The following ZNF804A variants were observed in gnomAD, a reference collection of about 807,000 sequenced individuals.
ZNF804A encodes zinc finger protein 804A.
ZNF804A carries 2 observed loss-of-function variants against 16.5 expected under a neutral mutation model. The observed-to-expected ratio is 0.12, with a 90% CI of 0.05 to 0.38. The LOEUF (loss-of-function observed/expected upper bound fraction) is 0.38, where lower values mean the gene tolerates loss of function less well. Among genes scored for constraint, ZNF804A ranks in the 10% least tolerant of loss-of-function variants. ZNF804A has a pLI of 0.99. For synonymous variants in ZNF804A, 534 were observed against 489.6 expected, an observed-to-expected ratio of 1.09 and a Z score of -1.20; for missense variants, 1,473 against 1,390.7, an observed-to-expected ratio of 1.06 and a Z score of -0.94.
chr2:184,785,297 A>T (rs1240412523), intron 1 of ZNF804A, among the ~76,000 whole-genome samples: 9 of 152,058 alleles, frequency 5.9e-5, no homozygotes, highest in Non-Finnish European at 1.5e-5. Context: ...AATTTATTTT[A>T]AAAATTAAGA....
intron 1 of ZNF804A, among the ~76,000 whole-genome samples, chr2:184,775,396 G>A (rs890539332): frequency 1.3e-5 from 2 of 151,650 alleles, no homozygotes; most frequent in African/African-American, 2.4e-5. Context: ...AATAGTCATT[G>A]TGAAGGAAAG....
At position 184,888,065 on chromosome 2, in the gene ZNF804A, C is replaced by T. The variant is rs139154165; in HGVS notation, c.255+21553C>T. On this transcript the variant is annotated intron_variant, in intron 2 of 3. Transcript: ENST00000302277. The stretch of plus-strand genomic sequence containing the variant: ...TTACAAAACAATCTCAATAAGAAAC[C>T]TCCTCTACATGCAATTTACCTATAT... Among the ~76,000 whole-genome samples the T allele has an allele frequency of 8.3e-3, 1,269 of 152,156 alleles. 11 individuals are homozygous for T. Among genetic ancestry groups the T allele is most frequent in the Non-Finnish European group, 0.012 (795 of 68,000 alleles).
chr2:184,933,478 A>G, intron 2 of ZNF804A, 125 bp from the exon 3 acceptor site: 1 of 840,520 alleles, frequency 1.2e-6, no homozygotes, highest in Non-Finnish European at 1.8e-6. Flanking sequence ...ATTGTCATGA[A>G]TGTTGTGTTT....
chr2:184,612,601 A>C (rs1691255899), intron 1 of ZNF804A, among the ~76,000 whole-genome samples: 2 of 151,912 alleles, frequency 1.3e-5, no homozygotes, highest in African/African-American at 4.8e-5. Flanking sequence ...AGTCTGGCTA[A>C]TTTTTGTATT....
intron 1 of ZNF804A, among the ~76,000 whole-genome samples, chr2:184,797,946 T>C (rs1694660416): frequency 6.6e-6 from 1 of 151,918 alleles, no homozygotes; most frequent in Non-Finnish European, 1.5e-5. Context: ...TGAAAAAGAC[T>C]GTATCTTTCT....
At chr2:184,820,266 C>T (rs115610963) in intron 1 of ZNF804A, among the ~76,000 whole-genome samples, 5,350 of 152,010 alleles carry the variant, frequency 0.035, 311 homozygotes, top group African/African-American at 0.12. Flanking sequence ...GTTCAACATA[C>T]GCAAATCAAT....
intron 2 of ZNF804A, among the ~76,000 whole-genome samples, chr2:184,907,707 G>T (rs1325236167): frequency 6.6e-6 from 1 of 152,036 alleles, no homozygotes; most frequent in African/African-American, 2.4e-5. Context: ...TAAAATAAGG[G>T]AATATGATAG....
At chr2:184,652,218 T>C (rs970028709) in intron 1 of ZNF804A, among the ~76,000 whole-genome samples, 1 of 152,124 alleles carries the variant, frequency 6.6e-6, no homozygotes, top group Non-Finnish European at 1.5e-5. Context: ...TTTTCACTTA[T>C]AAATTTGAGC....
chr2:184,751,744 T>G (rs1433048147), intron 1 of ZNF804A, among the ~76,000 whole-genome samples: 2 of 151,668 alleles, frequency 1.3e-5, no homozygotes, highest in African/African-American at 4.8e-5. Context: ...TACAAAGGAC[T>G]AATATCCAGA....
intron 1 of ZNF804A, among the ~76,000 whole-genome samples, chr2:184,853,917 A>G (rs1378216514): frequency 1.3e-5 from 2 of 150,320 alleles, no homozygotes; most frequent in Non-Finnish European, 3.0e-5. Context: ...ATATCAGAGT[A>G]AAGCTGGCCT....
rs569893654 is a variant in ZNF804A, at chr2:184,620,669, A to G, written c.111+21599A>G. ...GAAAGTCATTTTCAAGGACAGTATA[A>G]TATTACAATAAGTGGAAAAACAAAG... On this transcript the variant is annotated intron_variant, in intron 1 of 3. Coordinates refer to ENST00000302277, the MANE Select transcript of ZNF804A (RefSeq NM_194250.2). Among the ~76,000 whole-genome samples, 12 of 151,842 alleles carry G rather than the reference A, an allele frequency of 7.9e-5. No homozygotes were observed. The South Asian group carries it at 8.3e-4, about 10-fold the overall frequency.
chr2:184,868,272 A>G (rs1446549524), intron 2 of ZNF804A, among the ~76,000 whole-genome samples: 3 of 152,082 alleles, frequency 2.0e-5, no homozygotes, highest in African/African-American at 7.2e-5. Flanking sequence ...ATTAAAATCT[A>G]TAGAATCTTT....
intron 1 of ZNF804A, among the ~76,000 whole-genome samples, chr2:184,692,772 A>G (rs1483851172): frequency 6.6e-6 from 1 of 152,242 alleles, no homozygotes; most frequent in Non-Finnish European, 1.5e-5. Flanking sequence ...ATTTACCAAT[A>G]TCATCGTAAT....
chr2:184,839,953 G>A (rs1357309309), intron 1 of ZNF804A, among the ~76,000 whole-genome samples: 1 of 152,120 alleles, frequency 6.6e-6, no homozygotes, highest in Non-Finnish European at 1.5e-5. Flanking sequence ...GGATTGAGGT[G>A]TCCATGAACT....
chr2:184,617,451 A>C (rs1000039615), intron 1 of ZNF804A, among the ~76,000 whole-genome samples: 4 of 152,030 alleles, frequency 2.6e-5, no homozygotes, highest in African/African-American at 7.2e-5. Context: ...ATAAAAAGAC[A>C]TAAAAGTAAA....
At chr2:184,854,395 A>T (rs80268465) in intron 1 of ZNF804A, among the ~76,000 whole-genome samples, 82 of 151,598 alleles carry the variant, frequency 5.4e-4, no homozygotes, top group East Asian at 3.9e-4. Context: ...TAATAAAATG[A>T]TATGCATGCA....
intron 1 of ZNF804A, among the ~76,000 whole-genome samples, chr2:184,657,835 A>G (rs1339067535): frequency 6.6e-6 from 1 of 152,176 alleles, no homozygotes; most frequent in East Asian, 1.9e-4. Flanking sequence ...AGAAAGGGGA[A>G]GAGGAGAAAG....
chr2:184,937,158 T>C lies in ZNF804A; in HGVS notation c.1762T>C (p.Tyr588His). 1.2e-6 allele frequency: 2 copies of C among 1,603,634 alleles called. No individual in the cohort carries two copies. Among genetic ancestry groups the C allele is most frequent in the South Asian group, 1.1e-5 (1 of 89,036 alleles). The change falls in exon 4 of 4, where the codon TAC becomes CAC. Residue 588 changes from tyrosine (Y) to histidine (H), a missense_variant. Physicochemically the swap from Tyr to His is moderately conservative, Grantham distance 83 (BLOSUM62 2). Coordinates refer to ENST00000302277, the MANE Select transcript of ZNF804A (RefSeq NM_194250.2). Reference sequence around the variant, plus strand: ...AATAAGGTTGAAAGAGACCCATGAATACTGGTTCCATAAAAGTAGAAGAAA... The same window carrying C: ...AATAAGGTTGAAAGAGACCCATGAACACTGGTTCCATAAAAGTAGAAGAAA... Reference protein sequence around the residue: ...NKIRLKETHEYWFHKSRRKKK... With the variant: ...NKIRLKETHEHWFHKSRRKKK...
At position 184,781,533 on chromosome 2, in the gene ZNF804A, A is replaced by T. The variant is rs150180709; in HGVS notation, c.112-84836A>T. On this transcript the variant is annotated intron_variant, in intron 1 of 3. Coordinates refer to ENST00000302277, the MANE Select transcript of ZNF804A (RefSeq NM_194250.2). ...TTAAGTACTTATTCTACTTTATGAA[A>T]AAACTTTGAAATATTCTTTTTTGGG... Among the ~76,000 whole-genome samples, 327 of 151,892 alleles carry T rather than the reference A, an allele frequency of 2.2e-3. 1 individual carries two copies. The highest frequency in any genetic ancestry group is 6.8e-3 in the Middle Eastern group (2 of 294).
Sources: gnomAD v4.1 joint callset for allele counts (sites outside exome capture counted in the v4.1 genomes callset) on GRCh38, gnomAD v4.1.1 for gene constraint, MANE v1.5 for transcripts, NCBI Gene and HGNC (gene_info 2026-07-23, HGNC 2026-07-21) for gene names.